Variants in MMP26 observed in about 807,000 individuals in gnomAD.
MMP26 encodes matrix metallopeptidase 26, also known as matrix metalloproteinase-26.
A neutral mutation model predicts 31.0 loss-of-function variants in MMP26; 33 were observed. The observed-to-expected ratio is 1.06, with a 90% confidence interval of 0.81 to 1.42. MMP26 has a LOEUF of 1.42. Among genes scored for constraint, MMP26 ranks in the 40% most tolerant of loss-of-function variants. The pLI is 0.00. For missense variants in MMP26, 347 were observed against 316.1 expected (o/e 1.10, Z -0.74); for synonymous variants, 122 against 114.9 (o/e 1.06, Z -0.40).
chr11:4,890,848 A>C (rs1850608381), intron 2 of MMP26, among the ~76,000 whole-genome samples: 1 of 152,008 alleles, frequency 6.6e-6, no homozygotes, highest in South Asian at 2.1e-4. Flanking sequence ...AGGCTTACCC[A>C]CATAAAGAGC....
chr11:4,789,294 C>T (rs1848989128), intron 2 of MMP26, among the ~76,000 whole-genome samples: 1 of 152,104 alleles, frequency 6.6e-6, no homozygotes. Flanking sequence ...TCTTCTCTTA[C>T]ATTTTATTGT....
chr11:4,938,045 A>C (rs916097489), intron 2 of MMP26: 3 of 152,220 alleles, frequency 2.0e-5, no homozygotes, highest in African/African-American at 4.8e-5. Flanking sequence ...AATAGTCCCA[A>C]AGTGATGGGT....
chr11:4,989,949 C>A, intron 4 of MMP26, 81 bp downstream of exon 4: 3 of 1,135,834 alleles, frequency 2.6e-6, no homozygotes, highest in Non-Finnish European at 1.3e-6. Flanking sequence ...CCTGGAGGTA[C>A]CTCTACTCTC....
Position 4,991,424 on chromosome 11 carries a change from T to G in MMP26, c.523T>G (p.Phe175Val). ...GCCAGGTGGTATCTTAGGCCATGCC[T>G]TTTTACCAAATTCTGGAAATCCTGG... ...DGPGGILGHAFLPNSGNPGVV... is the reference protein window; with the variant it reads ...DGPGGILGHAVLPNSGNPGVV... Residue 175 changes from phenylalanine to valine, a missense_variant, in exon 6 of 8, where the codon TTT becomes GTT. Phe to Val is a conservative substitution (Grantham distance 50). Transcript: ENST00000380390. The G allele has an allele frequency of 6.2e-7, 1 of 1,613,966 alleles. No homozygotes were observed.
At chr11:4,786,194 G>A (rs1191663979) in intron 2 of MMP26, among the ~76,000 whole-genome samples, 1 of 152,096 alleles carries the variant, frequency 6.6e-6, no homozygotes, top group Non-Finnish European at 1.5e-5. Flanking sequence ...CCAGGGAAGA[G>A]GAGAGCTGAG....
rs530471458 is a variant in MMP26 at position 4,970,364 on chromosome 11, A to G, written c.-144-17704A>G. Among the ~76,000 whole-genome samples the G allele has an allele frequency of 7.9e-5, 12 of 152,376 alleles. No individual in the cohort carries two copies. In the South Asian group the frequency reaches 2.5e-3, roughly 32 times the overall value. On this transcript the variant is annotated intron_variant, in intron 2 of 7. Coordinates refer to ENST00000380390, the MANE Select transcript of MMP26 (RefSeq NM_021801.5). ...GGGCTACCTTTTAGGCAAGTGCCTG[A>G]GGAAACATCAAGCAGCAATCTGGCT... is the stretch of plus-strand genomic sequence containing the variant.
chr11:4,840,202 C>T (rs1414326559), intron 2 of MMP26, among the ~76,000 whole-genome samples: 2 of 152,176 alleles, frequency 1.3e-5, no homozygotes, highest in Non-Finnish European at 2.9e-5. Flanking sequence ...GACCCTAGTG[C>T]CTAAATCCCC....
intron 1 of MMP26, among the ~76,000 whole-genome samples, chr11:4,713,407 T>A (rs1217309260): frequency 6.6e-6 from 1 of 152,174 alleles, no homozygotes; most frequent in Non-Finnish European, 1.5e-5. Context: ...AGTCACCTTC[T>A]GTTCTTCCTA....
At chr11:4,946,315 G>A in intron 2 of MMP26, 1 of 1,613,882 alleles carries the variant, frequency 6.2e-7, no homozygotes, top group South Asian at 1.1e-5. Flanking sequence ...CAAAGCGGTG[G>A]ACAACGGCCA....
chr11:4,818,733 C>G (rs1399570418), intron 2 of MMP26, among the ~76,000 whole-genome samples: 1 of 152,082 alleles, frequency 6.6e-6, no homozygotes, highest in African/African-American at 2.4e-5. Flanking sequence ...CATTGTTATT[C>G]AGCTTAAAAG....
chr11:4,969,231 AC>A (rs1308146130), intron 2 of MMP26, among the ~76,000 whole-genome samples: 2 of 152,040 alleles, frequency 1.3e-5, no homozygotes, highest in African/African-American at 4.8e-5. Context: ...TTTCAATGTG[AC>A]AAAAACGTTT....
chr11:4,732,670 A>G (rs986727949), intron 1 of MMP26, among the ~76,000 whole-genome samples: 9 of 152,042 alleles, frequency 5.9e-5, no homozygotes, highest in Middle Eastern at 3.4e-3. Flanking sequence ...TTTTGTCTCT[A>G]TAGATTTGCC....
intron 2 of MMP26, among the ~76,000 whole-genome samples, chr11:4,858,639 CA>C (rs573772013): frequency 6.6e-6 from 1 of 152,108 alleles, no homozygotes; most frequent in Non-Finnish European, 1.5e-5. Context: ...TAAAAATGGC[CA>C]TACTGCCCAA....
chr11:4,977,123 A>G (rs1846748557), intron 2 of MMP26, among the ~76,000 whole-genome samples: 2 of 151,250 alleles, frequency 1.3e-5, no homozygotes, highest in Admixed American at 6.6e-5. Context: ...TTACTTAAAG[A>G]TTTCTTGCTC....
chr11:4,843,090 C>T (rs1378618249), intron 2 of MMP26, among the ~76,000 whole-genome samples: 1 of 152,246 alleles, frequency 6.6e-6, no homozygotes, highest in Non-Finnish European at 1.5e-5. Flanking sequence ...ACCTGTGCCC[C>T]TGTGGCTATT....
intron 1 of MMP26, among the ~76,000 whole-genome samples, chr11:4,716,946 G>A (rs1042569774): frequency 6.6e-6 from 1 of 152,076 alleles, no homozygotes; most frequent in African/African-American, 2.4e-5. Flanking sequence ...ACAGGCATGA[G>A]CCACCGTTCC....
chr11:4,943,719 G>A lies in MMP26; in HGVS notation c.-144-44349G>A, dbSNP rs1589946608. 8.5e-6 allele frequency: 3 copies of A among 353,812 alleles called. No individual in the cohort carries two copies. In the East Asian group the frequency reaches 2.3e-4, roughly 27 times the overall value. 21.9% of individuals were successfully genotyped at this position (353,812 alleles called of 1,614,324 possible). A position where few individuals can be genotyped will look rare whatever the true frequency, so the allele number is the denominator to read the frequency against. On this transcript the variant is annotated intron_variant, in intron 2 of 7. Transcript: ENST00000380390. ...GAACCACTGTTTAAGGAGCCCCAGA[G>A]TTGAGATTTTAATCCTCCAAAAACT...
chr11:4,888,939 C>T (rs1253067002), intron 2 of MMP26, among the ~76,000 whole-genome samples: 1 of 152,182 alleles, frequency 6.6e-6, no homozygotes, highest in Non-Finnish European at 1.5e-5. Context: ...TAATCTTCAG[C>T]TCCTTGGTAT....
intron 2 of MMP26, among the ~76,000 whole-genome samples, chr11:4,810,212 T>C (rs1849331131): frequency 6.6e-6 from 1 of 150,848 alleles, no homozygotes; most frequent in Admixed American, 6.7e-5. Context: ...ATTGTATGAA[T>C]GTGATTTTAT....
Sources: allele counts gnomAD v4.1 joint callset (sites outside exome capture counted in the v4.1 genomes callset), GRCh38; gene constraint gnomAD v4.1.1; transcripts MANE v1.5; gene names NCBI Gene and HGNC (gene_info 2026-07-23, HGNC 2026-07-21).